The following NME7 variants were observed in gnomAD, a reference collection of about 807,000 sequenced individuals.
NME7 encodes nucleoside diphosphate kinase 7.
A neutral mutation model predicts 49.1 loss-of-function variants in NME7; 41 were observed. The ratio of observed to expected loss-of-function variants is 0.83; its 90% CI spans 0.65 to 1.08. The LOEUF (loss-of-function observed/expected upper bound fraction) is 1.08. NME7 is among the 50% of genes least tolerant of loss of function. The pLI, the probability that NME7 is intolerant of heterozygous loss-of-function variation, is 0.00. For missense variants in NME7, 423 were observed against 463.4 expected (o/e 0.91, Z 0.80); for synonymous variants, 139 against 150.6 (o/e 0.92, Z 0.56).
At chr1:169,268,004 T>C (rs1309475752) in intron 7 of NME7, among the ~76,000 whole-genome samples, 1 of 133,052 alleles carries the variant, frequency 7.5e-6, no homozygotes, top group African/African-American at 2.5e-5. Context: ...ACAGACAACC[T>C]ACAGAATGAG....
intron 7 of NME7, among the ~76,000 whole-genome samples, chr1:169,240,859 G>GT (rs1278470521): frequency 6.6e-6 from 1 of 151,974 alleles, no homozygotes; most frequent in Non-Finnish European, 1.5e-5. Flanking sequence ...TCTAAGTTTA[G>GT]TTTTCCTTTG....
At position 169,324,428 on chromosome 1, in the gene NME7, G is replaced by C. The variant is rs1651975237; in HGVS notation, c.76C>G (p.Leu26Val). ...PNASLLRRYE[L>V]LFYPGDGSVE... The stretch of plus-strand genomic sequence containing the variant: ...GATCCATCCCCTGGGTAAAATAAAA[G>C]CTCATAACGTCGAAGAAGTGAAGCA... The change falls in exon 2 of 12, where the codon CTT (leucine) becomes GTT (valine). Residue 26 changes from leucine (L) to valine (V), a missense_variant. Transcript: ENST00000367811. 1 of 1,613,032 alleles carries C rather than the reference G, an allele frequency of 6.2e-7. No homozygotes were observed. Among genetic ancestry groups the C allele is most frequent in the Admixed American group, 1.7e-5 (1 of 59,984 alleles).
intron 10 of NME7, among the ~76,000 whole-genome samples, chr1:169,220,622 T>C (rs1168825232): frequency 2.6e-5 from 4 of 152,322 alleles, no homozygotes; most frequent in South Asian, 2.1e-4. Context: ...TTACAAGTTA[T>C]TGCATGCAAA....
intron 11 of NME7, among the ~76,000 whole-genome samples, chr1:169,159,764 C>T (rs1262190725): frequency 6.6e-6 from 1 of 152,196 alleles, no homozygotes; most frequent in Admixed American, 6.5e-5. Context: ...CCCAGTGCTA[C>T]TTTAAGACCT....
chr1:169,293,301 C>CAAAAA (rs200283897), intron 6 of NME7, among the ~76,000 whole-genome samples: 1 of 108,674 alleles, frequency 9.2e-6, no homozygotes. Context: ...CTCTTGTCTC[C>CAAAAA]AAAAAAAAAA....
At chr1:169,229,032 T>C (rs969079628) in intron 10 of NME7, among the ~76,000 whole-genome samples, 2 of 152,222 alleles carry the variant, frequency 1.3e-5, no homozygotes, top group African/African-American at 4.8e-5. Context: ...CTGACTTTAA[T>C]CTCTTCCAAT....
intron 1 of NME7, among the ~76,000 whole-genome samples, chr1:169,362,167 C>T (rs1402406513): frequency 6.6e-6 from 1 of 152,168 alleles, no homozygotes; most frequent in Non-Finnish European, 1.5e-5. Context: ...GAGATCACAC[C>T]ACTGCACTCC....
At chr1:169,134,887 C>G (rs1024502930) in intron 11 of NME7, among the ~76,000 whole-genome samples, 6 of 151,416 alleles carry the variant, frequency 4.0e-5, no homozygotes, top group African/African-American at 1.5e-4. Flanking sequence ...GACAGTATAG[C>G]ATTTTAGGCC....
chr1:169,278,553 C>T (rs1005252421), intron 7 of NME7, among the ~76,000 whole-genome samples: 1 of 152,134 alleles, frequency 6.6e-6, no homozygotes, highest in Non-Finnish European at 1.5e-5. Context: ...CCTTTAAGCA[C>T]TTCTCTGTAT....
chr1:169,358,859 T>C (rs1653552830), intron 1 of NME7, among the ~76,000 whole-genome samples: 1 of 152,114 alleles, frequency 6.6e-6, no homozygotes, highest in Non-Finnish European at 1.5e-5. Flanking sequence ...TCTGGCAATG[T>C]ATATTGAAAG....
intron 11 of NME7, among the ~76,000 whole-genome samples, chr1:169,144,100 T>G (rs1658685019): frequency 6.6e-6 from 1 of 152,180 alleles, no homozygotes; most frequent in South Asian, 2.1e-4. Context: ...CTAATGTCTT[T>G]TTAAGCTATG....
Position 169,325,268 on chromosome 1 carries a change from C to T in NME7, c.4-768G>A, listed in dbSNP as rs530681951. On this transcript the variant is annotated intron_variant, in intron 1 of 11. Coordinates refer to ENST00000367811, the MANE Select transcript of NME7 (RefSeq NM_013330.5). ...GTAAGCCCATCAGGAAGTGCTAGAGCCAGGTGACTCCCAAGGACAGGGAGG... is the reference window on the plus strand; with the variant it reads ...GTAAGCCCATCAGGAAGTGCTAGAGTCAGGTGACTCCCAAGGACAGGGAGG... 2.6e-5 allele frequency among the ~76,000 whole-genome samples: 4 copies of T among 152,156 alleles called. No individual in the cohort carries two copies. In the South Asian group the frequency reaches 8.4e-4, roughly 32 times the overall value.
intron 1 of NME7, among the ~76,000 whole-genome samples, chr1:169,361,555 G>A (rs1291624650): frequency 1.3e-5 from 2 of 152,162 alleles, no homozygotes; most frequent in African/African-American, 2.4e-5. Flanking sequence ...CGAGGCAGGC[G>A]GATGACCTGA....
At chr1:169,186,017 C>T (rs1660055345) in intron 10 of NME7, among the ~76,000 whole-genome samples, 3 of 151,978 alleles carry the variant, frequency 2.0e-5, no homozygotes, top group African/African-American at 7.2e-5. Context: ...AAACTATACA[C>T]CAGTATTTAT....
chr1:169,205,460 G>C (rs1485432815), intron 10 of NME7, among the ~76,000 whole-genome samples: 2 of 152,006 alleles, frequency 1.3e-5, no homozygotes. Context: ...TGTATCCTAG[G>C]CTCTGAGAAA....
intron 1 of NME7, among the ~76,000 whole-genome samples, chr1:169,349,354 TG>T (rs1375708975): frequency 1.3e-5 from 2 of 151,982 alleles, no homozygotes; most frequent in East Asian, 1.9e-4. Context: ...CAATCTGGGG[TG>T]GGGGGGTTAT....
intron 1 of NME7, among the ~76,000 whole-genome samples, chr1:169,336,343 C>T (rs1302645359): frequency 2.0e-5 from 3 of 152,092 alleles, no homozygotes; most frequent in African/African-American, 7.2e-5. Flanking sequence ...GGGACCTTCC[C>T]TTCCACAGCT....
chr1:169,137,312 A>G (rs1460655977), intron 11 of NME7, among the ~76,000 whole-genome samples: 2 of 152,228 alleles, frequency 1.3e-5, no homozygotes, highest in African/African-American at 4.8e-5. Context: ...AAGGCCTGAC[A>G]TTTTTATTCT....
intron 10 of NME7, among the ~76,000 whole-genome samples, chr1:169,185,850 C>T (rs1438408263): frequency 6.6e-6 from 1 of 152,052 alleles, no homozygotes; most frequent in Non-Finnish European, 1.5e-5. Flanking sequence ...AATGTCTCTT[C>T]CTAGAGTTGA....
Sources: allele counts gnomAD v4.1 joint callset (sites outside exome capture counted in the v4.1 genomes callset), GRCh38; gene constraint gnomAD v4.1.1; transcripts MANE v1.5; gene names NCBI Gene and HGNC (gene_info 2026-07-23, HGNC 2026-07-21).